ABCA12: variants seen among roughly 807,000 people sequenced by gnomAD.
ABCA12 encodes glucosylceramide transporter ABCA12.
A neutral mutation model predicts 293.5 loss-of-function variants in ABCA12; 156 were observed. The observed-to-expected ratio is 0.53, with a 90% confidence interval of 0.47 to 0.61. The LOEUF (loss-of-function observed/expected upper bound fraction) is 0.61. Among genes scored for constraint, ABCA12 ranks in the 20% least tolerant of loss-of-function variants. The pLI is 0.00. For missense variants in ABCA12, 2,797 were observed against 3,090.2 expected, an observed-to-expected ratio of 0.91 and a Z score of 2.25; for synonymous variants, 1,063 against 1,108.0, an observed-to-expected ratio of 0.96 and a Z score of 0.81.
At chr2:215,109,722 C>A (rs1018331118) in intron 2 of ABCA12, among the ~76,000 whole-genome samples, 5 of 152,086 alleles carry the variant, frequency 3.3e-5, no homozygotes, top group African/African-American at 1.2e-4. Context: ...GAGCTTTCCA[C>A]AGTTTTTTCC....
intron 4 of ABCA12, among the ~76,000 whole-genome samples, chr2:215,053,370 G>C (rs1701357258): frequency 6.6e-6 from 1 of 152,096 alleles, no homozygotes; most frequent in Non-Finnish European, 1.5e-5. Context: ...GTAGGGCCTA[G>C]GCTTTATTTT....
intron 2 of ABCA12, among the ~76,000 whole-genome samples, chr2:215,081,506 G>GAAAAAGA (rs1293984520): frequency 5.2e-5 from 6 of 115,000 alleles, no homozygotes; most frequent in African/African-American, 9.6e-5. Flanking sequence ...AAAGAAAAAA[G>GAAAAAGA]AAAAAGAAAA....
chr2:215,040,115 C>T (rs1701068559), intron 7 of ABCA12, among the ~76,000 whole-genome samples: 2 of 152,212 alleles, frequency 1.3e-5, no homozygotes, highest in South Asian at 2.1e-4. Flanking sequence ...AGTAACGTTA[C>T]ACATTCAGTT....
At chr2:214,957,917 C>T (rs1051286146) in intron 41 of ABCA12, among the ~76,000 whole-genome samples, 7 of 152,146 alleles carry the variant, frequency 4.6e-5, no homozygotes, top group African/African-American at 1.7e-4. Context: ...TCTATTTCTC[C>T]ACAGTACTGA....
chr2:215,112,977 T>C (rs769086521), intron 1 of ABCA12, among the ~76,000 whole-genome samples: 7 of 152,216 alleles, frequency 4.6e-5, no homozygotes, highest in Non-Finnish European at 8.8e-5. Flanking sequence ...CAAATAGTTA[T>C]GGTGCTAAAA....
intron 51 of ABCA12, 142 bp downstream of exon 51, chr2:214,937,368 T>A: frequency 1.7e-6 from 1 of 581,080 alleles, no homozygotes; most frequent in Non-Finnish European, 3.1e-6. Context: ...CCAGCTAATT[T>A]TTGTATTTTT....
chr2:214,940,699 G>A (rs995259672), intron 50 of ABCA12, among the ~76,000 whole-genome samples: 8 of 152,072 alleles, frequency 5.3e-5, no homozygotes, highest in Non-Finnish European at 1.0e-4. Context: ...AGTCTTGGGA[G>A]GGTGTATGTG....
intron 15 of ABCA12, chr2:215,013,012 A>C (rs185245872): frequency 6.6e-6 from 1 of 152,344 alleles, no homozygotes. Context: ...AAATGTTTTA[A>C]AATTTTAATG....
chr2:215,000,269 T>C (rs1466760204), intron 22 of ABCA12, among the ~76,000 whole-genome samples: 1 of 152,226 alleles, frequency 6.6e-6, no homozygotes, highest in Non-Finnish European at 1.5e-5. Flanking sequence ...CTTTTATCAA[T>C]TTGTTTTCTT....
At chr2:215,053,338 T>C (rs16853252) in intron 4 of ABCA12, among the ~76,000 whole-genome samples, 9,025 of 152,190 alleles carry the variant, frequency 0.059, 891 homozygotes, top group African/African-American at 0.2. Flanking sequence ...TAATATTCAA[T>C]GGTACCAGTG....
intron 1 of ABCA12, among the ~76,000 whole-genome samples, chr2:215,134,232 A>G (rs1703124534): frequency 6.7e-6 from 1 of 149,794 alleles, no homozygotes; most frequent in African/African-American, 2.4e-5. Context: ...TAGCATATAT[A>G]TATGTATATG....
chr2:214,982,769 T>A (rs1699696602), intron 29 of ABCA12, among the ~76,000 whole-genome samples: 1 of 152,040 alleles, frequency 6.6e-6, no homozygotes, highest in South Asian at 2.1e-4. Flanking sequence ...CATAAGGAGA[T>A]TATGTTCTAG....
rs1274429268 is a variant in ABCA12, at chr2:215,052,507, G to T, written c.487C>A (p.Arg163=). ...GTTACCTTTTCCAAGCCAAGAATTC[G>T]TGCGAGCACTTGACTGCCATTGAAA... ...YTFNGSQVLA[R]ILGLEKLLKQ... Residue 163 remains arginine (R), a synonymous_variant, in exon 5 of 53, where the codon CGA becomes AGA. Coordinates refer to ENST00000272895, the MANE Select transcript of ABCA12 (RefSeq NM_173076.3). 12 of 1,612,394 alleles carry T rather than the reference G, an allele frequency of 7.4e-6. No homozygotes were observed. Among genetic ancestry groups the T allele is most frequent in the Non-Finnish European group, 1.0e-5 (12 of 1,178,832 alleles).
intron 48 of ABCA12, 122 bp from the exon 49 acceptor site, chr2:214,945,226 T>C (rs1241591031): frequency 1.3e-6 from 1 of 786,014 alleles, no homozygotes; most frequent in Non-Finnish European, 2.1e-6. Flanking sequence ...TGTGACTAAC[T>C]TGTTTTATAC....
Position 214,932,656 on chromosome 2 carries a change from T to C in ABCA12, c.7766A>G (p.Gln2589Arg). Residue 2589 changes from glutamine (Q) to arginine (R), a missense_variant, in exon 53 of 53, where the codon CAA becomes CGA. Transcript: ENST00000272895. ...GTGTTAAGACTCCATCTGGTCATCT[T>C]GTGAGTCAACACTTATAGTGGAACC... ...SQGSTISVDS[Q>R]DDQMES is the part of the protein sequence containing the mutation. 1 of 1,613,290 alleles carries C rather than the reference T, an allele frequency of 6.2e-7. No individual in the cohort carries two copies. The highest frequency in any genetic ancestry group is 1.1e-5 in the South Asian group (1 of 91,066).
chr2:215,102,301 T>C (rs1702375439), intron 2 of ABCA12, among the ~76,000 whole-genome samples: 1 of 152,198 alleles, frequency 6.6e-6, no homozygotes, highest in Non-Finnish European at 1.5e-5. Flanking sequence ...TCTCATCACC[T>C]TTAAGATAAA....
chr2:215,089,556 T>C (rs1307855392), intron 2 of ABCA12, among the ~76,000 whole-genome samples: 27 of 152,224 alleles, frequency 1.8e-4, no homozygotes, highest in Non-Finnish European at 4.0e-4. Context: ...GTTGGTTCTA[T>C]GAAGCATCTT....
At chr2:215,077,808 C>T (rs540396668) in intron 2 of ABCA12, among the ~76,000 whole-genome samples, 103 of 152,256 alleles carry the variant, frequency 6.8e-4, no homozygotes, top group Non-Finnish European at 1.3e-3. Context: ...TACATATTTG[C>T]CCATCTCAGC....
chr2:214,981,842 T>C (rs2105965691), intron 30 of ABCA12, among the ~76,000 whole-genome samples: 1 of 144,818 alleles, frequency 6.9e-6, no homozygotes, highest in East Asian at 2.1e-4. Context: ...CATAACTTAC[T>C]GCACCCCTGC....
Sources: gnomAD v4.1 joint callset for allele counts (sites outside exome capture counted in the v4.1 genomes callset) on GRCh38, gnomAD v4.1.1 for gene constraint, MANE v1.5 for transcripts, NCBI Gene and HGNC (gene_info 2026-07-23, HGNC 2026-07-21) for gene names.